The following SIPA1L3 variants were observed in gnomAD, a reference collection of about 807,000 sequenced individuals.
SIPA1L3 encodes signal-induced proliferation-associated 1-like protein 3.
Under a neutral mutation model 150.1 loss-of-function variants are expected in SIPA1L3, and 59 were observed. The ratio of observed to expected loss-of-function variants is 0.39; its 90% confidence interval spans 0.32 to 0.49. SIPA1L3 has a LOEUF of 0.49. Ranked by LOEUF, SIPA1L3 falls within the 20% of genes least tolerant of loss-of-function variation. SIPA1L3 has a pLI of 0.86. For missense variants in SIPA1L3, 2,211 were observed against 2,489.5 expected (o/e 0.89, Z 2.38); for synonymous variants, 1,070 against 1,077.6 (o/e 0.99, Z 0.14).
intron 1 of SIPA1L3, among the ~76,000 whole-genome samples, chr19:38,024,554 C>G (rs1287390311): frequency 6.6e-6 from 1 of 152,026 alleles, no homozygotes; most frequent in South Asian, 2.1e-4. Context: ...CCCCAGCTGG[C>G]CCTGGGCCCC....
chr19:38,057,275 A>AATATAT (rs150830426), intron 2 of SIPA1L3, among the ~76,000 whole-genome samples: 1 of 147,842 alleles, frequency 6.8e-6, no homozygotes, highest in African/African-American at 2.5e-5. Context: ...CTCCATCTCA[A>AATATAT]ATATATATAT....
chr19:37,957,693 C>T (rs1049308994), intron 1 of SIPA1L3, among the ~76,000 whole-genome samples: 1 of 151,970 alleles, frequency 6.6e-6, no homozygotes, highest in Non-Finnish European at 1.5e-5. Flanking sequence ...GCACATGTCA[C>T]CATGCCCAGC....
chr19:37,965,579 G>A (rs1378174637), intron 1 of SIPA1L3, among the ~76,000 whole-genome samples: 2 of 152,118 alleles, frequency 1.3e-5, no homozygotes, highest in Non-Finnish European at 2.9e-5. Context: ...CTCCCAAAGT[G>A]CTGGGATTAC....
intron 15 of SIPA1L3, among the ~76,000 whole-genome samples, chr19:38,165,751 C>T (rs112420163): frequency 2.4e-3 from 361 of 152,174 alleles, no homozygotes; most frequent in African/African-American, 8.0e-3. Flanking sequence ...GACCTGAGAA[C>T]GTGCATTGGT....
intron 4 of SIPA1L3, among the ~76,000 whole-genome samples, chr19:38,094,203 C>T (rs10401835): frequency 0.011 from 1,636 of 152,192 alleles, 22 homozygotes; most frequent in African/African-American, 0.037. Flanking sequence ...AGTGTGACCC[C>T]GTTTTTGTTC....
intron 1 of SIPA1L3, among the ~76,000 whole-genome samples, chr19:38,003,553 T>C (rs1186719265): frequency 6.6e-6 from 1 of 152,174 alleles, no homozygotes; most frequent in East Asian, 1.9e-4. Flanking sequence ...TTGAGTTTAT[T>C]TCCGAGTTTC....
intron 1 of SIPA1L3, among the ~76,000 whole-genome samples, chr19:38,000,891 ATGT>A (rs1227323770): frequency 3.6e-5 from 5 of 138,716 alleles, no homozygotes; most frequent in African/African-American, 8.6e-5. Context: ...ATATATATAT[ATGT>A]TATATATATA....
chr19:38,099,820 T>C (rs1381715699), intron 4 of SIPA1L3, 142 bp from the exon 5 acceptor site: 1 of 669,814 alleles, frequency 1.5e-6, no homozygotes, highest in Non-Finnish European at 2.4e-6. Flanking sequence ...AAGTTCTGGC[T>C]CAGACTTAGG....
intron 15 of SIPA1L3, among the ~76,000 whole-genome samples, chr19:38,170,823 C>G (rs1181200656): frequency 2.0e-5 from 3 of 151,950 alleles, no homozygotes; most frequent in Admixed American, 6.6e-5. Flanking sequence ...AGGGTCACAT[C>G]TGCCAAGGAT....
rs1256880399 is a variant in SIPA1L3 at position 38,187,728 on chromosome 19, A to G, written c.4431-4417A>G. 1.1e-3 allele frequency among the ~76,000 whole-genome samples: 160 copies of G among 151,346 alleles called. 1 individual carries two copies. The highest frequency in any genetic ancestry group is 3.3e-3 in the African/African-American group (135 of 41,300). On this transcript the variant is annotated intron_variant, in intron 16 of 21. Coordinates refer to ENST00000222345, the MANE Select transcript of SIPA1L3 (RefSeq NM_015073.3). ...GAGACTCCGTCTCAAAAAAAAAAAA[A>G]AAAAAAAAAGACAAAAGGAAAAAAA...
intron 8 of SIPA1L3, among the ~76,000 whole-genome samples, chr19:38,116,525 CAAAA>C (rs1197701775): frequency 3.6e-5 from 3 of 83,416 alleles, no homozygotes; most frequent in African/African-American, 9.4e-5. Flanking sequence ...GACTCTGTCT[CAAAA>C]AAAAAAAAAA....
At chr19:38,189,085 G>A (rs920805662) in intron 16 of SIPA1L3, among the ~76,000 whole-genome samples, 1 of 151,598 alleles carries the variant, frequency 6.6e-6, no homozygotes, top group Non-Finnish European at 1.5e-5. Flanking sequence ...TTTTATTAAT[G>A]TGGTCACCTC....
intron 4 of SIPA1L3, among the ~76,000 whole-genome samples, chr19:38,092,259 C>T (rs1315777806): frequency 6.6e-6 from 1 of 151,790 alleles, no homozygotes; most frequent in African/African-American, 2.4e-5. Context: ...GGAGAAATAC[C>T]TAATGTAAAT....
chr19:38,133,430 T>A (rs1480247147), intron 10 of SIPA1L3, among the ~76,000 whole-genome samples: 1 of 152,224 alleles, frequency 6.6e-6, no homozygotes, highest in Non-Finnish European at 1.5e-5. Context: ...GTATAATTTG[T>A]ACAGAGAAGA....
rs778757004 is a variant in SIPA1L3, at chr19:38,088,869, C to T, written c.1665+18C>T. ...CCCGCGAGGTAGGTCCCATCACTCT[C>T]GTTCTTATTAAAGAAATCATAGCCA... On this transcript the variant is annotated intron_variant, in intron 4 of 21. Transcript: ENST00000222345. The T allele has an allele frequency of 2.8e-5, 45 of 1,610,980 alleles. No individual in the cohort carries two copies. The highest frequency in any genetic ancestry group is 3.1e-5 in the Non-Finnish European group (37 of 1,177,924).
chr19:37,924,566 C>T (rs13345731), intron 1 of SIPA1L3, among the ~76,000 whole-genome samples: 124,671 of 151,426 alleles, frequency 0.82, 51,898 homozygotes, highest in African/African-American at 0.94. Context: ...TAATCCCAGC[C>T]GCTCGGGAGG....
chr19:38,182,499 C>T lies in SIPA1L3; in HGVS notation c.4209-20C>T, dbSNP rs1168196980. The stretch of plus-strand genomic sequence containing the variant: ...GGAATGGATTTGGTTTTTTTTATCT[C>T]TTTCATTTTTGCTTTGCAGTGACAT... On this transcript the variant is annotated intron_variant, in intron 15 of 21. Transcript: ENST00000222345. 6 of 1,564,058 alleles carry T rather than the reference C, an allele frequency of 3.8e-6. No homozygotes were observed. The Admixed American group carries it at 7.5e-5, about 20-fold the overall frequency.
At chr19:38,068,692 A>AT (rs548635260) in intron 2 of SIPA1L3, among the ~76,000 whole-genome samples, 63 of 152,164 alleles carry the variant, frequency 4.1e-4, no homozygotes, top group African/African-American at 1.5e-3. Context: ...ACAAAAAAAA[A>AT]TTTTTAAGTA....
At chr19:38,151,391 G>T (rs1568577752) in intron 12 of SIPA1L3, among the ~76,000 whole-genome samples, 1 of 152,212 alleles carries the variant, frequency 6.6e-6, no homozygotes, top group East Asian at 1.9e-4. Flanking sequence ...TCACTTCCCT[G>T]ACAGCTCAGC....
Sources: gnomAD v4.1 joint callset for allele counts (sites outside exome capture counted in the v4.1 genomes callset) on GRCh38, gnomAD v4.1.1 for gene constraint, MANE v1.5 for transcripts, NCBI Gene and HGNC (gene_info 2026-07-23, HGNC 2026-07-21) for gene names.